The following DYSF variants were observed in gnomAD, a reference collection of about 807,000 sequenced individuals.
DYSF encodes dystrophy-associated fer-1-like 1.
DYSF carries 212 observed loss-of-function variants against 274.9 expected under a neutral mutation model. The observed-to-expected ratio is 0.77, with a 90% CI of 0.69 to 0.86. The LOEUF (loss-of-function observed/expected upper bound fraction) is 0.86. Among genes scored for constraint, DYSF ranks in the 40% least tolerant of loss-of-function variants. DYSF has a pLI of 0.00. For synonymous variants in DYSF, 1,091 were observed against 1,078.7 expected, an observed-to-expected ratio of 1.01 and a Z score of -0.22; for missense variants, 2,666 against 2,783.2, an observed-to-expected ratio of 0.96 and a Z score of 0.95.
chr2:71,565,381 C>T (rs988601739), intron 24 of DYSF, among the ~76,000 whole-genome samples: 2 of 152,036 alleles, frequency 1.3e-5, no homozygotes, highest in Non-Finnish European at 2.9e-5. Flanking sequence ...TGAGCCACCG[C>T]GCCAGCCCTC....
At chr2:71,519,146 A>G (rs1573688851) in intron 10 of DYSF, among the ~76,000 whole-genome samples, 1 of 148,338 alleles carries the variant, frequency 6.7e-6, no homozygotes, top group Non-Finnish European at 1.5e-5. Flanking sequence ...CCTGATGGCT[A>G]GATCAGTGGG....
At chr2:71,660,751 T>C in intron 45 of DYSF, 100 bp downstream of exon 45, 1 of 1,033,202 alleles carries the variant, frequency 9.7e-7, no homozygotes, top group South Asian at 1.3e-5. Context: ...TCCGTATCTC[T>C]TGGAGCAAAA....
At chr2:71,535,353 A>C (rs2089217294) in intron 16 of DYSF, 42 bp downstream of exon 16, 6 of 1,593,972 alleles carry the variant, frequency 3.8e-6, no homozygotes, top group Non-Finnish European at 5.2e-6. Flanking sequence ...GGCTGTCCTG[A>C]GGGGGCGCTG....
At chr2:71,626,306 C>T (rs1323002847) in intron 41 of DYSF, among the ~76,000 whole-genome samples, 3 of 112,764 alleles carry the variant, frequency 2.7e-5, no homozygotes, top group Admixed American at 2.0e-4. Flanking sequence ...TACTAGTTAG[C>T]TGTTTTTTTT....
chr2:71,507,751 C>G (rs78389382), intron 4 of DYSF, among the ~76,000 whole-genome samples: 14,888 of 152,334 alleles, frequency 0.098, 898 homozygotes, highest in African/African-American at 0.15. Flanking sequence ...AAACACCCCC[C>G]ACAGGCCTGG....
intron 3 of DYSF, among the ~76,000 whole-genome samples, chr2:71,492,785 C>CA (rs2083982486): frequency 7.1e-6 from 1 of 141,386 alleles, no homozygotes; most frequent in South Asian, 2.5e-4. Context: ...TCATATTCAT[C>CA]ACGGTCTTTG....
intron 1 of DYSF, among the ~76,000 whole-genome samples, chr2:71,476,079 T>C (rs574000328): frequency 6.6e-6 from 1 of 152,294 alleles, no homozygotes; most frequent in East Asian, 1.9e-4. Context: ...CCCTAAGAAG[T>C]TCTTAAAGTG....
rs140082005 is a variant in DYSF at position 71,675,276 on chromosome 2, C to T, written c.5884+980C>T. ...ATATACTCAAAGGCACTGATTTGTACACTTAAAGTGGTTAAAGTGGTGCAT... is the reference window on the plus strand; with the variant it reads ...ATATACTCAAAGGCACTGATTTGTATACTTAAAGTGGTTAAAGTGGTGCAT... On this transcript the variant is annotated intron_variant, in intron 52 of 55. Transcript: ENST00000410020. Among the ~76,000 whole-genome samples the T allele has an allele frequency of 4.1e-3, 629 of 152,244 alleles. 2 individuals are homozygous for T. The highest frequency in any genetic ancestry group is 5.6e-3 in the Non-Finnish European group (383 of 68,040).
At chr2:71,477,508 C>A (rs77514559) in intron 1 of DYSF, among the ~76,000 whole-genome samples, 6,221 of 152,076 alleles carry the variant, frequency 0.041, 322 homozygotes, top group African/African-American at 0.12. Flanking sequence ...GTAAAGCAGG[C>A]AGATTGCTCA....
chr2:71,610,992 G>A (rs2093746218), intron 36 of DYSF: 8 of 537,994 alleles, frequency 1.5e-5, no homozygotes, highest in Admixed American at 8.4e-5. Flanking sequence ...GAGGGGTGAC[G>A]GGATTCAGTT....
rs1227092922 is a variant in DYSF, at chr2:71,656,231, C to T, written c.4696C>T (p.Leu1566=). 2 of 1,614,064 alleles carry T rather than the reference C, an allele frequency of 1.2e-6. No individual in the cohort carries two copies. Among genetic ancestry groups the T allele is most frequent in the African/African-American group, 1.3e-5 (1 of 74,914 alleles). Reference sequence around the variant, plus strand: ...GTCTGACTTTTGTAACACCTTCAAGCTGTACCGGGGCAAGACGCAGGAGGA... The same window carrying T: ...GTCTGACTTTTGTAACACCTTCAAGTTGTACCGGGGCAAGACGCAGGAGGA... The part of the protein sequence containing the change: ...GLSDFCNTFK[L]YRGKTQEETE... The change falls in exon 43 of 56, where the codon CTG becomes TTG. Residue 1566 remains leucine, a synonymous_variant. Coordinates refer to ENST00000410020, the MANE Select transcript of DYSF (RefSeq NM_001130987.2).
At chr2:71,606,512 T>C (rs1289142076) in intron 36 of DYSF, among the ~76,000 whole-genome samples, 3 of 152,076 alleles carry the variant, frequency 2.0e-5, no homozygotes, top group Non-Finnish European at 4.4e-5. Context: ...CGCAGCACCC[T>C]CACTGAGAAT....
At chr2:71,516,276 C>A (rs1372685585) in intron 9 of DYSF, 34 bp downstream of exon 9, 1 of 1,602,094 alleles carries the variant, frequency 6.2e-7, no homozygotes, top group Admixed American at 1.7e-5. Context: ...TCTCCGTGGG[C>A]TGTATGTATG....
At chr2:71,465,339 G>A (rs984523937), upstream of DYSF, among the ~76,000 whole-genome samples, 6 of 152,130 alleles carry the variant, frequency 3.9e-5, no homozygotes, top group African/African-American at 1.2e-4. Flanking sequence ...TGCCGAGGGC[G>A]GGCGTTAGAA....
chr2:71,674,393 G>A, intron 52 of DYSF, 97 bp downstream of exon 52: 8 of 1,208,352 alleles, frequency 6.6e-6, no homozygotes, highest in Non-Finnish European at 9.7e-6. Flanking sequence ...GGGAAGCCTA[G>A]CAGGAGGAGT....
intron 30 of DYSF, among the ~76,000 whole-genome samples, 181 bp from the exon 31 acceptor site, chr2:71,589,412 A>G (rs946225967): frequency 1.3e-5 from 2 of 152,126 alleles, no homozygotes; most frequent in African/African-American, 2.4e-5. Flanking sequence ...GTGCTTTGAC[A>G]TTGGAGTCTG....
At chr2:71,583,694 C>T (rs572126444) in intron 30 of DYSF, among the ~76,000 whole-genome samples, 19 of 152,312 alleles carry the variant, frequency 1.2e-4, no homozygotes, top group African/African-American at 4.3e-4. Flanking sequence ...CACAGACACC[C>T]CGTGGTGCAG....
chr2:71,664,161 G>C (rs543535878), intron 45 of DYSF, 107 bp from the exon 46 acceptor site: 2 of 1,406,756 alleles, frequency 1.4e-6, no homozygotes, highest in Admixed American at 1.7e-5. Context: ...TCTGTAGGGG[G>C]CCCAAGGAAA....
At chr2:71,499,733 C>T (rs1240146266) in intron 3 of DYSF, among the ~76,000 whole-genome samples, 7 of 152,170 alleles carry the variant, frequency 4.6e-5, no homozygotes, top group African/African-American at 1.4e-4. Flanking sequence ...GGGTTGGCAG[C>T]GGCTCTTTCG....
Sources: allele counts gnomAD v4.1 joint callset (sites outside exome capture counted in the v4.1 genomes callset), GRCh38; gene constraint gnomAD v4.1.1; transcripts MANE v1.5; gene names NCBI Gene and HGNC (gene_info 2026-07-23, HGNC 2026-07-21).